Variants in STX8 observed in about 807,000 individuals in gnomAD.
STX8 encodes syntaxin 8.
Under a neutral mutation model 37.5 loss-of-function variants are expected in STX8, and 23 were observed. That is an observed-to-expected ratio of 0.61 (90% CI 0.44 to 0.87). The LOEUF (loss-of-function observed/expected upper bound fraction) is 0.87, where lower values mean the gene tolerates loss of function less well. Ranked by LOEUF, STX8 falls within the 40% of genes least tolerant of loss-of-function variation. STX8 has a pLI of 0.00. For missense variants in STX8, 313 were observed against 284.7 expected (o/e 1.10, Z -0.71); for synonymous variants, 115 against 99.1 (o/e 1.16, Z -0.95).
chr17:9,502,298 T>TG (rs1904645896), intron 5 of STX8, among the ~76,000 whole-genome samples: 1 of 152,064 alleles, frequency 6.6e-6, no homozygotes, highest in Non-Finnish European at 1.5e-5. Context: ...TACCCAGCCC[T>TG]GGGGTTTGGG....
chr17:9,322,814 T>TAAAAAAAAA (rs59941529), intron 7 of STX8, among the ~76,000 whole-genome samples: 3 of 64,702 alleles, frequency 4.6e-5, no homozygotes, highest in African/African-American at 1.9e-4. Flanking sequence ...GTGCATTTGC[T>TAAAAAAAAA]AAAAAAAAAA....
At chr17:9,506,713 C>T (rs955659916) in intron 4 of STX8, among the ~76,000 whole-genome samples, 2 of 152,148 alleles carry the variant, frequency 1.3e-5, no homozygotes, top group Non-Finnish European at 2.9e-5. Flanking sequence ...GAGGATCCCC[C>T]AGTCCTTGCA....
At chr17:9,559,758 A>ATTTTTTTT (rs1159388418) in intron 2 of STX8, among the ~76,000 whole-genome samples, 13 of 28,374 alleles carry the variant, frequency 4.6e-4, no homozygotes, top group African/African-American at 1.5e-3. Context: ...ATATATATAT[A>ATTTTTTTT]TATTTTTTTT....
intron 6 of STX8, among the ~76,000 whole-genome samples, chr17:9,429,519 C>T (rs1451017357): frequency 7.0e-6 from 1 of 142,440 alleles, no homozygotes; most frequent in South Asian, 2.1e-4. Flanking sequence ...CTGGCTAACA[C>T]GGTGAAACCC....
At chr17:9,268,749 T>G (rs1907324724) in intron 7 of STX8, among the ~76,000 whole-genome samples, 1 of 152,158 alleles carries the variant, frequency 6.6e-6, no homozygotes, top group Non-Finnish European at 1.5e-5. Flanking sequence ...GACACAGACC[T>G]GCAGGCAATG....
chr17:9,496,436 C>G (rs966487227), intron 5 of STX8, among the ~76,000 whole-genome samples: 1 of 152,202 alleles, frequency 6.6e-6, no homozygotes, highest in Non-Finnish European at 1.5e-5. Flanking sequence ...ATCTGCCCTA[C>G]TCTTTCACAT....
chr17:9,379,994 T>C (rs990347074), intron 6 of STX8, among the ~76,000 whole-genome samples: 1 of 151,852 alleles, frequency 6.6e-6, no homozygotes, highest in Non-Finnish European at 1.5e-5. Context: ...GAATCCTTGA[T>C]GTGAAATTCA....
intron 7 of STX8, among the ~76,000 whole-genome samples, chr17:9,365,108 GA>G (rs1274689995): frequency 6.6e-6 from 1 of 152,180 alleles, no homozygotes; most frequent in African/African-American, 2.4e-5. Flanking sequence ...AGATAGATAT[GA>G]GAAAGAGAGA....
chr17:9,256,417 C>T (rs150400188), intron 7 of STX8, among the ~76,000 whole-genome samples: 1,963 of 152,212 alleles, frequency 0.013, 32 homozygotes, highest in African/African-American at 0.044. Context: ...CCTTCCTTAA[C>T]GTTTTATGAT....
chr17:9,557,374 T>TA lies in STX8; in HGVS notation c.212+59dup, dbSNP rs370738620. 5 of 1,482,652 alleles carry TA rather than the reference T, an allele frequency of 3.4e-6. No homozygotes were observed. In the African/African-American group the frequency reaches 4.2e-5, roughly 12 times the overall value. 91.8% of individuals were successfully genotyped at this position (1,482,652 alleles called of 1,614,324 possible). Reference sequence around the variant, plus strand: ...GGGTGGCCCAGATTCCTTCCTTTCTTAAAATACGACTGCTTTTCCTCCCAC... The same window carrying TA: ...GGGTGGCCCAGATTCCTTCCTTTCTTAAAAATACGACTGCTTTTCCTCCCAC... On this transcript the variant is annotated intron_variant, in intron 3 of 7. Coordinates refer to ENST00000306357, the MANE Select transcript of STX8 (RefSeq NM_004853.3).
At chr17:9,421,702 T>C (rs1424855751) in intron 6 of STX8, among the ~76,000 whole-genome samples, 1 of 152,134 alleles carries the variant, frequency 6.6e-6, no homozygotes, top group Non-Finnish European at 1.5e-5. Flanking sequence ...CAAACTCTTC[T>C]TTCCTCACTC....
At chr17:9,431,360 C>T (rs922682288) in intron 6 of STX8, among the ~76,000 whole-genome samples, 14 of 151,378 alleles carry the variant, frequency 9.2e-5, no homozygotes, top group African/African-American at 3.4e-4. Flanking sequence ...TGAGCCACTG[C>T]GCCTGGCCTT....
intron 7 of STX8, among the ~76,000 whole-genome samples, chr17:9,348,840 T>A (rs1229019333): frequency 6.6e-6 from 1 of 152,196 alleles, no homozygotes; most frequent in Non-Finnish European, 1.5e-5. Context: ...GCTTCCTACC[T>A]TCCTGATGGC....
intron 2 of STX8, among the ~76,000 whole-genome samples, chr17:9,566,080 A>C (rs12453519): frequency 0.69 from 104,096 of 151,876 alleles, 38,221 homozygotes; most frequent in East Asian, 0.98. Flanking sequence ...TCTAATAGCC[A>C]GTATCTATAA....
intron 4 of STX8, among the ~76,000 whole-genome samples, chr17:9,514,123 A>G (rs2142512675): frequency 6.6e-6 from 1 of 152,288 alleles, no homozygotes; most frequent in African/African-American, 2.4e-5. Context: ...CCACTGTAGG[A>G]TGACTACAGT....
rs1215769213 is a variant in STX8 at position 9,546,590 on chromosome 17, GGTTT to G, written c.213-1312_213-1309del. 6.1e-4 allele frequency among the ~76,000 whole-genome samples: 38 copies of G among 62,242 alleles called. 1 individual carries two copies. Among genetic ancestry groups the G allele is most frequent in the South Asian group, 2.0e-3 (3 of 1,478 alleles). 40.8% of individuals were successfully genotyped at this position (62,242 alleles called of 152,430 possible). On this transcript the variant is annotated intron_variant, in intron 3 of 7. Coordinates refer to ENST00000306357, the MANE Select transcript of STX8 (RefSeq NM_004853.3). ...CTTTCTTGATGCAAACTACAAAAGT[GGTTT>G]TTTTTTTTTTTTTTTTTTTTTGGAG...
At chr17:9,440,685 C>T (rs1904614523) in intron 6 of STX8, among the ~76,000 whole-genome samples, 1 of 152,100 alleles carries the variant, frequency 6.6e-6, no homozygotes, top group Admixed American at 6.5e-5. Context: ...CCACCACGCT[C>T]AGCTAATTTT....
At chr17:9,309,182 T>C (rs1909106265) in intron 7 of STX8, among the ~76,000 whole-genome samples, 1 of 152,138 alleles carries the variant, frequency 6.6e-6, no homozygotes, top group South Asian at 2.1e-4. Flanking sequence ...GTTAGTCCTA[T>C]CTCTAGAAGG....
At chr17:9,487,393 TCCA>T (rs1906645617) in intron 6 of STX8, among the ~76,000 whole-genome samples, 1 of 152,020 alleles carries the variant, frequency 6.6e-6, no homozygotes, top group South Asian at 2.1e-4. Context: ...ACAATAAAAA[TCCA>T]GATGGGGCTG....
Sources: gnomAD v4.1 joint callset for allele counts (sites outside exome capture counted in the v4.1 genomes callset) on GRCh38, gnomAD v4.1.1 for gene constraint, MANE v1.5 for transcripts, NCBI Gene and HGNC (gene_info 2026-07-23, HGNC 2026-07-21) for gene names.